The following SMG7 variants were observed in gnomAD, a reference collection of about 807,000 sequenced individuals.
The protein encoded by SMG7 is nonsense-mediated mRNA decay factor SMG7.
SMG7 carries 34 observed loss-of-function variants against 148.2 expected under a neutral mutation model. The observed-to-expected ratio is 0.23, with a 90% CI of 0.17 to 0.31. The LOEUF (loss-of-function observed/expected upper bound fraction) is 0.31, where lower values mean the gene tolerates loss of function less well. Among genes scored for constraint, SMG7 ranks in the 10% least tolerant of loss-of-function variants. The pLI is 1.00. For missense variants in SMG7, 1,114 were observed against 1,408.4 expected, an observed-to-expected ratio of 0.79 and a Z score of 3.35; for synonymous variants, 492 against 515.1, an observed-to-expected ratio of 0.96 and a Z score of 0.61.
chr1:183,530,701 G>A (rs1666703629), intron 8 of SMG7, among the ~76,000 whole-genome samples: 1 of 152,116 alleles, frequency 6.6e-6, no homozygotes, highest in South Asian at 2.1e-4. Context: ...CTGACCGTGG[G>A]ATGTTGTGGA....
chr1:183,508,156 T>C (rs746547723), intron 1 of SMG7: 265 of 974,034 alleles, frequency 2.7e-4, no homozygotes, highest in Non-Finnish European at 3.1e-4. Flanking sequence ...TTGATGGTTT[T>C]TATAACAAAA....
rs1671280856 is a variant in SMG7, at chr1:183,552,904, CCTT to C, written c.*977_*979del. 1 of 1,482,512 alleles carries C rather than the reference CCTT, an allele frequency of 6.7e-7. No individual in the cohort carries two copies. The highest frequency in any genetic ancestry group is 8.9e-7 in the Non-Finnish European group (1 of 1,117,808). 91.8% of individuals were successfully genotyped at this position (1,482,512 alleles called of 1,614,324 possible). ...CCCACCCTCCTGCCCCATCTCCATC[CCTT>C]CTTTTACCCAATGCTGTATGCTAGT... On this transcript the variant is annotated 3_prime_UTR_variant, in exon 23 of 23. Transcript: ENST00000688051.
At chr1:183,506,653 T>TG (rs552203033) in intron 1 of SMG7, among the ~76,000 whole-genome samples, 1 of 138,666 alleles carries the variant, frequency 7.2e-6, no homozygotes, top group African/African-American at 2.6e-5. Context: ...TTAAATTTCT[T>TG]AAAAAAAAAA....
intron 3 of SMG7, among the ~76,000 whole-genome samples, chr1:183,517,074 A>T (rs899293823): frequency 6.6e-6 from 1 of 152,236 alleles, no homozygotes; most frequent in Non-Finnish European, 1.5e-5. Context: ...ATATAACTAG[A>T]TTAAAGAAAA....
intron 11 of SMG7, among the ~76,000 whole-genome samples, chr1:183,538,071 A>G (rs1203563706): frequency 6.6e-6 from 1 of 152,206 alleles, no homozygotes. Flanking sequence ...AAAAAGAGAC[A>G]GGTAATCTAA....
Position 183,473,150 on chromosome 1 carries a change from A to G in SMG7, c.29+501A>G, listed in dbSNP as rs1314621200. Among the ~76,000 whole-genome samples the G allele has an allele frequency of 2.6e-5, 4 of 151,746 alleles. No homozygotes were observed. The East Asian group carries it at 7.7e-4, about 29-fold the overall frequency. The stretch of plus-strand genomic sequence containing the variant: ...GCAGACAGGGGGAGAGGGAGACCGC[A>G]GGAAACTGGAGCTTGTTCTTCATTC... On this transcript the variant is annotated intron_variant, in intron 1 of 22. Transcript: ENST00000688051.
chr1:183,537,720 TAGCATTTTCTTTTGTCATTA>T (rs1338138190), intron 11 of SMG7, among the ~76,000 whole-genome samples: 2 of 152,220 alleles, frequency 1.3e-5, no homozygotes, highest in African/African-American at 2.4e-5. Context: ...ATTATATTGT[TAGCATTTTCTTTTGTCATTA>T]AGCATTTTGA....
At chr1:183,547,052 A>T in intron 17 of SMG7, 51 bp from the exon 18 acceptor site, 2 of 1,508,316 alleles carry the variant, frequency 1.3e-6, no homozygotes, top group Non-Finnish European at 1.8e-6. Flanking sequence ...CTATTCCTTT[A>T]TGCTTTTGTT....
chr1:183,477,575 C>T (rs1224730447), intron 1 of SMG7, among the ~76,000 whole-genome samples: 12 of 82,888 alleles, frequency 1.4e-4, no homozygotes, highest in Admixed American at 2.5e-4. Context: ...TGTATATATG[C>T]ATATATACGT....
At chr1:183,491,176 C>T (rs974244425) in intron 1 of SMG7, among the ~76,000 whole-genome samples, 10 of 152,200 alleles carry the variant, frequency 6.6e-5, no homozygotes, top group African/African-American at 2.2e-4. Context: ...TTCGCATGTC[C>T]GGTAACTTCT....
At position 183,507,797 on chromosome 1, in the gene SMG7, T is replaced by G. The variant is rs191418216; in HGVS notation, c.30-5040T>G. On this transcript the variant is annotated intron_variant, in intron 1 of 22. Transcript: ENST00000688051. ...ATAGATGTTGATTATTCCACGAGTA[T>G]TTATTGTTTCAGTTTATTAGCTTTC... Among the ~76,000 whole-genome samples, 622 of 152,322 alleles carry G rather than the reference T, an allele frequency of 4.1e-3. 3 individuals carry two copies. Among genetic ancestry groups the G allele is most frequent in the Non-Finnish European group, 5.7e-3 (385 of 68,010 alleles).
chr1:183,553,027 G>A lies in SMG7; in HGVS notation c.*1096G>A. The A allele has an allele frequency of 6.5e-7, 1 of 1,536,302 alleles. No individual in the cohort carries two copies. Among genetic ancestry groups the A allele is most frequent in the Middle Eastern group, 1.7e-4 (1 of 5,990 alleles). On this transcript the variant is annotated 3_prime_UTR_variant, in exon 23 of 23. Transcript: ENST00000688051. ...TGGGGCCCAAAAGACAGTCTGAAGA[G>A]GAAGGAAGCAGCAGTATCTGCGTAG...
chr1:183,533,547 G>A lies in SMG7; in HGVS notation c.1007-129G>A, dbSNP rs12143940. ...ACATTTTTAATATGGGAAAGAAAGC[G>A]TCTTTTTAGAAAGAAGCTGTAAGAT... On this transcript the variant is annotated intron_variant, in intron 9 of 22. Transcript: ENST00000688051. The A allele has an allele frequency of 1.8e-3, 1,669 of 905,408 alleles. 4 individuals carry two copies. The highest frequency in any genetic ancestry group is 2.6e-3 in the Admixed American group (87 of 33,966). The allele number at this position is 905,408 out of a possible 1,614,324, so 56.1% of individuals were successfully genotyped here. A position where few individuals can be genotyped will look rare whatever the true frequency, so the allele number is the denominator to read the frequency against.
rs552549170 is a variant in SMG7, at chr1:183,502,199, G to C, written c.30-10638G>C. ...TAAAGATAAAATAATTTTCTTCATA[G>C]GGGTTCTCTGTTATTGTGGGTTAAC... is the stretch of plus-strand genomic sequence containing the variant. On this transcript the variant is annotated intron_variant, in intron 1 of 22. Transcript: ENST00000688051. The C allele has an allele frequency of 5.0e-4, 580 of 1,160,866 alleles. 10 individuals carry two copies. In the South Asian group the frequency reaches 0.014, roughly 28 times the overall value. The allele number at this position is 1,160,866 out of a possible 1,614,324, so 71.9% of individuals were successfully genotyped here. A position where few individuals can be genotyped will look rare whatever the true frequency, so the allele number is the denominator to read the frequency against.
chr1:183,519,563 C>T (rs1203362146), intron 4 of SMG7, among the ~76,000 whole-genome samples: 1 of 151,552 alleles, frequency 6.6e-6, no homozygotes, highest in African/African-American at 2.4e-5. Context: ...AAGATGGATA[C>T]ATTAGTAAGT....
Position 183,544,856 on chromosome 1 carries a change from TA to T in SMG7, c.1988-64del, listed in dbSNP as rs372519216. 4.1e-3 allele frequency: 5,439 copies of T among 1,338,642 alleles called. 19 individuals are homozygous for T. Among genetic ancestry groups the T allele is most frequent in the African/African-American group, 0.025 (1,727 of 68,412 alleles). 82.9% of individuals were successfully genotyped at this position (1,338,642 alleles called of 1,614,324 possible). A position where few individuals can be genotyped will look rare whatever the true frequency, so the allele number is the denominator to read the frequency against. On this transcript the variant is annotated intron_variant, in intron 15 of 22. Transcript: ENST00000688051. ...TAGAAGACTCCCTCTACCTACCTGT[TA>T]AAAAAAAAATGACTTTTTTTGCAAT...
chr1:183,500,897 A>G (rs771746160), intron 1 of SMG7, among the ~76,000 whole-genome samples: 202 of 152,316 alleles, frequency 1.3e-3, no homozygotes, highest in Non-Finnish European at 1.2e-3. Flanking sequence ...GAGTTTTATC[A>G]TATTTTCTCT....
At chr1:183,535,921 G>A (rs1667683771) in intron 10 of SMG7, among the ~76,000 whole-genome samples, 1 of 151,920 alleles carries the variant, frequency 6.6e-6, no homozygotes, top group Admixed American at 6.6e-5. Context: ...CCAAAGGTTT[G>A]TAGCAGACGT....
chr1:183,503,249 T>C (rs1414761203), intron 1 of SMG7, among the ~76,000 whole-genome samples: 1 of 152,230 alleles, frequency 6.6e-6, no homozygotes, highest in African/African-American at 2.4e-5. Context: ...AAATAATAAG[T>C]GATTAAACTA....
Sources: gnomAD v4.1 joint callset for allele counts (sites outside exome capture counted in the v4.1 genomes callset) on GRCh38, gnomAD v4.1.1 for gene constraint, MANE v1.5 for transcripts, NCBI Gene and HGNC (gene_info 2026-07-23, HGNC 2026-07-21) for gene names.